TRAK1: variants seen among roughly 807,000 people sequenced by gnomAD.
TRAK1 encodes trafficking kinesin protein 1.
TRAK1 carries 33 observed loss-of-function variants against 92.1 expected under a neutral mutation model. That is an observed-to-expected ratio of 0.36 (90% confidence interval 0.27 to 0.48). The LOEUF (loss-of-function observed/expected upper bound fraction) is 0.48, where lower values mean the gene tolerates loss of function less well. TRAK1 is among the 20% of genes least tolerant of loss of function. The probability of loss-of-function intolerance (pLI) is 0.99; values close to 1 mark genes in which losing one functional copy is unlikely to be tolerated. For synonymous variants in TRAK1, 521 were observed against 517.3 expected (o/e 1.01, Z -0.10); for missense variants, 1,123 against 1,257.9 (o/e 0.89, Z 1.62).
intron 1 of TRAK1, among the ~76,000 whole-genome samples, chr3:42,036,054 G>C (rs752591315): frequency 6.6e-6 from 1 of 152,198 alleles, no homozygotes; most frequent in Non-Finnish European, 1.5e-5. Flanking sequence ...TTTGACAGTG[G>C]CCTGGCACTG....
Position 42,202,502 on chromosome 3 carries a change from G to A in TRAK1, c.1494G>A (p.Ala498=), listed in dbSNP as rs748535196. 15 of 1,518,980 alleles carry A rather than the reference G, an allele frequency of 9.9e-6. No individual in the cohort carries two copies. The highest frequency in any genetic ancestry group is 2.6e-5 in the South Asian group (2 of 76,458). 94.1% of individuals were successfully genotyped at this position (1,518,980 alleles called of 1,614,324 possible). A position where few individuals can be genotyped will look rare whatever the true frequency, so the allele number is the denominator to read the frequency against. The part of the protein sequence containing the change: ...GTPGSHDLET[A]LRRLSLRREN... ...CAGGCTCCCACGACCTGGAGACGGCGCTGAGGCGGCTGTCCCTGCGCCGGG... is the reference window on the plus strand; with the variant it reads ...CAGGCTCCCACGACCTGGAGACGGCACTGAGGCGGCTGTCCCTGCGCCGGG... Residue 498 remains alanine (A), a synonymous_variant, in exon 13 of 16, where the codon GCG becomes GCA. Transcript: ENST00000327628. This position sits in a 1 kb window ranked among gnomAD's most constrained non-coding sequence, Gnocchi z 6.1.
chr3:42,030,362 T>TAAA lies in TRAK1; in HGVS notation c.-519+16254_-519+16256dup, dbSNP rs778274238. Among the ~76,000 whole-genome samples, 666 of 130,378 alleles carry TAAA rather than the reference T, an allele frequency of 5.1e-3. 5 individuals are homozygous for TAAA. Among genetic ancestry groups the TAAA allele is most frequent in the African/African-American group, 0.016 (578 of 36,110 alleles). The allele number at this position is 130,378 out of a possible 152,430, so 85.5% of individuals were successfully genotyped here. On this transcript the variant is annotated intron_variant, in intron 1 of 16. Coordinates refer to the TRAK1 transcript ENST00000487159. ...GTGAGACAAAGCGAGACCCTGTCTCTAAAAAAAAAAATATATATATATATA... is the reference window on the plus strand; with the variant it reads ...GTGAGACAAAGCGAGACCCTGTCTCTAAAAAAAAAAAAAATATATATATATATA...
chr3:42,052,018 A>G (rs562686219), intron 1 of TRAK1, among the ~76,000 whole-genome samples: 1 of 152,322 alleles, frequency 6.6e-6, no homozygotes, highest in African/African-American at 2.4e-5. Flanking sequence ...TTAGCATGTG[A>G]CCAGCTTTTG....
At chr3:42,154,705 A>C (rs1700347118) in intron 2 of TRAK1, among the ~76,000 whole-genome samples, 1 of 152,194 alleles carries the variant, frequency 6.6e-6, no homozygotes, top group Non-Finnish European at 1.5e-5. Context: ...TGCTGGGATT[A>C]CAGGTGTGAG....
At chr3:42,053,010 C>T (rs1191832913) in intron 1 of TRAK1, among the ~76,000 whole-genome samples, 1 of 152,196 alleles carries the variant, frequency 6.6e-6, no homozygotes. Flanking sequence ...GACTGGGCTA[C>T]TCCATTGCCA....
chr3:42,090,912 C>T (rs1388726633), upstream of TRAK1, among the ~76,000 whole-genome samples: 1 of 152,172 alleles, frequency 6.6e-6, no homozygotes, highest in African/African-American at 2.4e-5. Flanking sequence ...TGATGGAGAA[C>T]ATGCTCGGAT....
At chr3:42,077,972 C>G (rs1380404677) in intron 1 of TRAK1, among the ~76,000 whole-genome samples, 9 of 152,232 alleles carry the variant, frequency 5.9e-5, no homozygotes, top group African/African-American at 2.2e-4. Context: ...TTCGTTGTGT[C>G]TACTTCTTCC....
intron 14 of TRAK1, among the ~76,000 whole-genome samples, chr3:42,217,055 A>T (rs1203341298): frequency 7.0e-6 from 1 of 143,518 alleles, no homozygotes; most frequent in African/African-American, 2.6e-5. Flanking sequence ...CAACCCCCCT[A>T]TTTCCTGCCA....
At position 42,037,772 on chromosome 3, in the gene TRAK1, T is replaced by G. The variant is rs549746175; in HGVS notation, c.-519+23655T>G. Among the ~76,000 whole-genome samples the G allele has an allele frequency of 2.1e-4, 32 of 152,350 alleles. No individual in the cohort carries two copies. In the East Asian group the frequency reaches 5.6e-3, roughly 27 times the overall value. ...GAGCAAAATTGGAATCATGTCTTTC[T>G]GTCTCTAAGAGCAGGTTTAGTCATA... On this transcript the variant is annotated intron_variant, in intron 1 of 16. Transcript: ENST00000487159.
At chr3:42,170,710 G>T (rs1702432418) in intron 2 of TRAK1, among the ~76,000 whole-genome samples, 1 of 152,098 alleles carries the variant, frequency 6.6e-6, no homozygotes, top group Non-Finnish European at 1.5e-5. Context: ...GGAGGGTGGA[G>T]CTCAGTTTCT....
At chr3:42,114,837 C>G (rs980490648) in intron 1 of TRAK1, among the ~76,000 whole-genome samples, 2 of 152,094 alleles carry the variant, frequency 1.3e-5, no homozygotes, top group African/African-American at 4.8e-5. Context: ...CTCAGCCTCC[C>G]AAGTAGCTGG....
intron 2 of TRAK1, among the ~76,000 whole-genome samples, chr3:42,152,636 C>T (rs368296016): frequency 2.6e-5 from 4 of 152,186 alleles, no homozygotes; most frequent in African/African-American, 9.7e-5. Context: ...AAAGCAGCCT[C>T]AGGCATGGGG....
chr3:42,122,724 C>T (rs1559796951), intron 1 of TRAK1, among the ~76,000 whole-genome samples: 1 of 152,110 alleles, frequency 6.6e-6, no homozygotes, highest in Non-Finnish European at 1.5e-5. Flanking sequence ...TGGTTTATTG[C>T]TAGTGGGAGA....
At chr3:42,089,336 GC>G (rs994891770), upstream of TRAK1, among the ~76,000 whole-genome samples, 1 of 152,078 alleles carries the variant, frequency 6.6e-6, no homozygotes, top group African/African-American at 2.4e-5. Context: ...TTCCAGTGGG[GC>G]CTCTTACTGC....
intron 1 of TRAK1, among the ~76,000 whole-genome samples, chr3:42,110,028 C>T (rs897049773): frequency 1.5e-5 from 2 of 136,464 alleles, no homozygotes; most frequent in Non-Finnish European, 3.2e-5. Flanking sequence ...TGCAGCACAC[C>T]AACATGGCAC....
intron 2 of TRAK1, among the ~76,000 whole-genome samples, chr3:42,150,215 AC>A (rs1699807471): frequency 6.6e-6 from 1 of 152,116 alleles, no homozygotes; most frequent in African/African-American, 2.4e-5. Context: ...TCCTTCTGTC[AC>A]TACCTTGGTT....
chr3:42,059,961 C>A (rs938086992), intron 1 of TRAK1, among the ~76,000 whole-genome samples: 2 of 152,214 alleles, frequency 1.3e-5, no homozygotes, highest in Non-Finnish European at 2.9e-5. Flanking sequence ...GTTACAGGTA[C>A]ATAGCAATTC....
chr3:42,013,546 A>T (rs867095124), upstream of TRAK1, among the ~76,000 whole-genome samples: 244 of 101,782 alleles, frequency 2.4e-3, no homozygotes, highest in African/African-American at 8.1e-3. The surrounding 1 kb of genome is among the most constrained non-coding windows in gnomAD (Gnocchi z 5.1). Context: ...GGCGGCCCGC[A>T]GGTGGCGGCG....
At chr3:42,108,264 G>A (rs937024448) in intron 1 of TRAK1, among the ~76,000 whole-genome samples, 3 of 152,070 alleles carry the variant, frequency 2.0e-5, no homozygotes, top group Non-Finnish European at 4.4e-5. Flanking sequence ...GCCAAGTGAA[G>A]TGAATCCCTT....
Sources: allele counts gnomAD v4.1 joint callset (sites outside exome capture counted in the v4.1 genomes callset), GRCh38; gene constraint gnomAD v4.1.1; non-coding constraint Gnocchi (gnomAD v3.1); transcripts MANE v1.5; gene names NCBI Gene and HGNC (gene_info 2026-07-23, HGNC 2026-07-21).